NTNG1: variants seen among roughly 807,000 people sequenced by gnomAD.
NTNG1 encodes netrin G1, also known as netrin-G1.
A neutral mutation model predicts 54.0 loss-of-function variants in NTNG1; 16 were observed. The observed-to-expected ratio is 0.30, with a 90% confidence interval of 0.20 to 0.45. The LOEUF (loss-of-function observed/expected upper bound fraction) is 0.45. NTNG1 is among the 20% of genes least tolerant of loss of function. The pLI is 1.00. For missense variants in NTNG1, 530 were observed against 678.7 expected (o/e 0.78, Z 2.43); for synonymous variants, 255 against 263.1 (o/e 0.97, Z 0.30).
chr1:107,299,808 C>T (rs1315683767), intron 2 of NTNG1, among the ~76,000 whole-genome samples: 2 of 152,026 alleles, frequency 1.3e-5, no homozygotes, highest in African/African-American at 4.8e-5. Context: ...AAGAAGTGTG[C>T]GGTATAGTGG....
intron 5 of NTNG1, among the ~76,000 whole-genome samples, chr1:107,420,566 G>A (rs1674512283): frequency 6.6e-6 from 1 of 151,986 alleles, no homozygotes; most frequent in Non-Finnish European, 1.5e-5. Flanking sequence ...ACTTTTAAAG[G>A]TATATGTGTT....
At chr1:107,298,444 T>C (rs1666114741) in intron 2 of NTNG1, among the ~76,000 whole-genome samples, 1 of 152,134 alleles carries the variant, frequency 6.6e-6, no homozygotes, top group South Asian at 2.1e-4. Context: ...TTGTTATTCA[T>C]ATAAAAAGAA....
At chr1:107,311,421 A>G (rs2101836515) in intron 2 of NTNG1, among the ~76,000 whole-genome samples, 1 of 152,304 alleles carries the variant, frequency 6.6e-6, no homozygotes, top group Non-Finnish European at 1.5e-5. Context: ...AAGAACTGGG[A>G]CATAATTGCA....
chr1:107,288,652 T>A (rs1165255016), intron 2 of NTNG1, among the ~76,000 whole-genome samples: 1 of 152,146 alleles, frequency 6.6e-6, no homozygotes, highest in Non-Finnish European at 1.5e-5. Flanking sequence ...ATCATCTATA[T>A]CCTTAGAAAC....
At chr1:107,237,610 C>T (rs1461827474) in intron 2 of NTNG1, among the ~76,000 whole-genome samples, 1 of 151,984 alleles carries the variant, frequency 6.6e-6, no homozygotes, top group Non-Finnish European at 1.5e-5. Flanking sequence ...TGGGCTGGGC[C>T]CAGGGTCCCT....
intron 3 of NTNG1, among the ~76,000 whole-genome samples, chr1:107,393,834 C>T (rs956360831): frequency 2.6e-5 from 4 of 152,102 alleles, no homozygotes; most frequent in Non-Finnish European, 1.5e-5. Context: ...GAGAAGCCAA[C>T]ATGGTTGTTA....
chr1:107,299,257 A>C (rs897619536), intron 2 of NTNG1, among the ~76,000 whole-genome samples: 3 of 152,166 alleles, frequency 2.0e-5, no homozygotes, highest in Admixed American at 6.6e-5. Flanking sequence ...GTTTCTTTTA[A>C]TATATGAACA....
intron 3 of NTNG1, among the ~76,000 whole-genome samples, chr1:107,370,533 C>T (rs1411019852): frequency 1.3e-5 from 2 of 151,802 alleles, no homozygotes; most frequent in East Asian, 1.9e-4. Context: ...CACCGAGTCC[C>T]CAAAGTCCAT....
chr1:107,217,203 C>T (rs1419257720), intron 2 of NTNG1, among the ~76,000 whole-genome samples: 3 of 152,096 alleles, frequency 2.0e-5, no homozygotes, highest in African/African-American at 7.2e-5. Flanking sequence ...ATTTATCCAT[C>T]TCCTCTAGGT....
At chr1:107,449,720 T>TAA (rs35613778) in intron 7 of NTNG1, among the ~76,000 whole-genome samples, 2,166 of 145,648 alleles carry the variant, frequency 0.015, 24 homozygotes, top group African/African-American at 0.029. Flanking sequence ...TCTGCTGGAT[T>TAA]AAAAAAAAAA....
chr1:107,256,698 G>C (rs566628026), intron 2 of NTNG1, among the ~76,000 whole-genome samples: 1 of 152,170 alleles, frequency 6.6e-6, no homozygotes, highest in Non-Finnish European at 1.5e-5. Context: ...GAGCCTGGAC[G>C]GGAGGAGAGG....
chr1:107,173,690 CTCTTTTTTTTT>C (rs1656423056), intron 2 of NTNG1, among the ~76,000 whole-genome samples: 1 of 148,632 alleles, frequency 6.7e-6, no homozygotes, highest in Non-Finnish European at 1.5e-5. Flanking sequence ...AAAATTGTAG[CTCTTTTTTTTT>C]TCTTTTTTCT....
chr1:107,261,454 TAAA>T (rs902282203), intron 2 of NTNG1, among the ~76,000 whole-genome samples: 1 of 146,142 alleles, frequency 6.8e-6, no homozygotes, highest in Non-Finnish European at 1.5e-5. Flanking sequence ...TCACAGGATT[TAAA>T]AAAAAAAAGC....
intron 2 of NTNG1, among the ~76,000 whole-genome samples, chr1:107,193,602 G>T (rs1054490582): frequency 1.3e-5 from 2 of 151,942 alleles, no homozygotes; most frequent in Non-Finnish European, 2.9e-5. Flanking sequence ...CTCAGTTTAT[G>T]GGTGAGCAGA....
At chr1:107,243,652 C>T (rs1427713002) in intron 2 of NTNG1, among the ~76,000 whole-genome samples, 1 of 152,138 alleles carries the variant, frequency 6.6e-6, no homozygotes, top group Non-Finnish European at 1.5e-5. Context: ...GCACTGCAGC[C>T]TTGAAGCTGT....
intron 3 of NTNG1, among the ~76,000 whole-genome samples, chr1:107,392,679 G>A (rs1672437248): frequency 6.6e-6 from 1 of 152,072 alleles, no homozygotes. Context: ...ATGAGAGAAT[G>A]GAGATGGCAA....
At chr1:107,289,975 C>T (rs535728359) in intron 2 of NTNG1, among the ~76,000 whole-genome samples, 7 of 152,244 alleles carry the variant, frequency 4.6e-5, no homozygotes, top group Non-Finnish European at 8.8e-5. Flanking sequence ...TATGTTTCCA[C>T]TGAAAGAGTA....
chr1:107,233,340 T>C (rs1163427900), intron 2 of NTNG1, among the ~76,000 whole-genome samples: 2 of 152,224 alleles, frequency 1.3e-5, no homozygotes, highest in South Asian at 4.1e-4. Flanking sequence ...ACAGGATTGT[T>C]GTTTATATGA....
intron 2 of NTNG1, among the ~76,000 whole-genome samples, chr1:107,167,818 T>C (rs1030491110): frequency 6.6e-6 from 1 of 152,052 alleles, no homozygotes; most frequent in Non-Finnish European, 1.5e-5. Context: ...TGTAAAGCCA[T>C]TCTTTTTTTT....
Sources: allele counts gnomAD v4.1 joint callset (sites outside exome capture counted in the v4.1 genomes callset), GRCh38; gene constraint gnomAD v4.1.1; transcripts MANE v1.5; gene names NCBI Gene and HGNC (gene_info 2026-07-23, HGNC 2026-07-21).